Variants in HMGB1 observed in about 807,000 individuals in gnomAD.
HMGB1 encodes the protein high mobility group protein B1.
For missense variants in HMGB1, 79 were observed against 253.5 expected, an observed-to-expected ratio of 0.31 and a Z score of 4.67; for synonymous variants, 81 against 84.0, an observed-to-expected ratio of 0.96 and a Z score of 0.19.
At chr13:30,545,890 C>T (rs115274064) in intron 1 of HMGB1, among the ~76,000 whole-genome samples, 173 of 151,924 alleles carry the variant, frequency 1.1e-3, no homozygotes, top group African/African-American at 3.9e-3. Flanking sequence ...TTTATAGAAA[C>T]GGGTTTTCAA....
At position 30,484,102 on chromosome 13, in the gene HMGB1, T is replaced by G. The variant is rs7339009; in HGVS notation, c.-14-20408A>C. ...CCAACTCATGCTTGTCTTTCAGCTCTGAGAAGCTGCCCCTGACCATCCCAT... is the reference window on the plus strand; with the variant it reads ...CCAACTCATGCTTGTCTTTCAGCTCGGAGAAGCTGCCCCTGACCATCCCAT... On this transcript the variant is annotated intron_variant, in intron 1 of 4. Coordinates refer to the HMGB1 transcript ENST00000405805. Among the ~76,000 whole-genome samples the G allele has an allele frequency of 7.8e-3, 1,181 of 152,256 alleles. 12 individuals are homozygous for G. The highest frequency in any genetic ancestry group is 0.027 in the African/African-American group (1,138 of 41,548).
At chr13:30,578,679 T>A (rs1006783514) in intron 1 of HMGB1, among the ~76,000 whole-genome samples, 1 of 152,154 alleles carries the variant, frequency 6.6e-6, no homozygotes, top group Non-Finnish European at 1.5e-5. Context: ...TCTCACCATA[T>A]AAGAAGAAAG....
chr13:30,465,903 C>A lies in HMGB1; in HGVS notation c.-122G>T. ...AATGGCTGTGAGAGCGGGAGCCAGACGCAGCCTCCTCACTCTCTCCGCTCT... is the reference window on the plus strand; with the variant it reads ...AATGGCTGTGAGAGCGGGAGCCAGAAGCAGCCTCCTCACTCTCTCCGCTCT... On this transcript the variant is annotated 5_prime_UTR_variant, in exon 1 of 5. Coordinates refer to ENST00000341423, the MANE Select transcript of HMGB1 (RefSeq NM_002128.7). 1 of 985,952 alleles carries A rather than the reference C, an allele frequency of 1.0e-6. No homozygotes were observed. Among genetic ancestry groups the A allele is most frequent in the Non-Finnish European group, 1.2e-6 (1 of 829,996 alleles). The allele number at this position is 985,952 out of a possible 1,614,324, so 61.1% of individuals were successfully genotyped here. A position where few individuals can be genotyped will look rare whatever the true frequency, so the allele number is the denominator to read the frequency against.
chr13:30,565,745 C>T (rs1266625032), intron 1 of HMGB1, among the ~76,000 whole-genome samples: 1 of 152,130 alleles, frequency 6.6e-6, no homozygotes, highest in Non-Finnish European at 1.5e-5. Flanking sequence ...TCTCTGGCTG[C>T]CTAGGAGTGC....
chr13:30,520,525 C>T (rs1217201784), intron 1 of HMGB1, among the ~76,000 whole-genome samples: 1 of 152,032 alleles, frequency 6.6e-6, no homozygotes, highest in Admixed American at 6.6e-5. Flanking sequence ...GTGGCTGAGG[C>T]ACGAGAATCA....
At chr13:30,562,101 C>G (rs1415401773) in intron 1 of HMGB1, among the ~76,000 whole-genome samples, 1 of 152,142 alleles carries the variant, frequency 6.6e-6, no homozygotes, top group Non-Finnish European at 1.5e-5. Context: ...GCAGGCGGAT[C>G]ACCTGAGGTC....
At chr13:30,493,850 C>T (rs906750833) in intron 1 of HMGB1, among the ~76,000 whole-genome samples, 6 of 151,996 alleles carry the variant, frequency 3.9e-5, no homozygotes, top group Middle Eastern at 3.4e-3. Context: ...TGGTTGTGTG[C>T]ACCTGTAATC....
chr13:30,465,811 G>C lies in HMGB1; in HGVS notation c.-30C>G, dbSNP rs971437464. The C allele has an allele frequency of 1.0e-6, 1 of 985,728 alleles. No homozygotes were observed. The highest frequency in any genetic ancestry group is 1.7e-5 in the African/African-American group (1 of 57,244). The allele number at this position is 985,728 out of a possible 1,614,324, so 61.1% of individuals were successfully genotyped here. A position where few individuals can be genotyped will look rare whatever the true frequency, so the allele number is the denominator to read the frequency against. ...CCAGACTCACCCTCAGCGAGGCACA[G>C]AGTCGCCCAGTGCCCGTCCGGCTCT... On this transcript the variant is annotated 5_prime_UTR_variant, in exon 1 of 5. Coordinates refer to ENST00000341423, the MANE Select transcript of HMGB1 (RefSeq NM_002128.7).
At chr13:30,568,501 C>T (rs900441691) in intron 1 of HMGB1, among the ~76,000 whole-genome samples, 2 of 152,034 alleles carry the variant, frequency 1.3e-5, no homozygotes, top group African/African-American at 4.8e-5. Flanking sequence ...GAGTCAGACT[C>T]CCTGTCTCAG....
intron 1 of HMGB1, among the ~76,000 whole-genome samples, chr13:30,505,474 A>G (rs983880289): frequency 2.6e-5 from 4 of 151,584 alleles, no homozygotes; most frequent in South Asian, 2.1e-4. Flanking sequence ...CACCGCGCCC[A>G]ACCATTTTTA....
chr13:30,568,016 C>A (rs73456517), intron 1 of HMGB1, among the ~76,000 whole-genome samples: 5,610 of 152,254 alleles, frequency 0.037, 360 homozygotes, highest in African/African-American at 0.13. Flanking sequence ...GGTCCCATGA[C>A]AACATACGGG....
rs1253389387 is a variant in HMGB1 at position 30,553,891 on chromosome 13, T to C, written c.-15+62780A>G. On this transcript the variant is annotated intron_variant, in intron 1 of 4. Transcript: ENST00000405805. ...AATGATTATATTAATGCCAGCTTAGTTGACATAGAAGAGGCACGAAGGAGT... is the reference window on the plus strand; with the variant it reads ...AATGATTATATTAATGCCAGCTTAGCTGACATAGAAGAGGCACGAAGGAGT... 56 of 1,359,408 alleles carry C rather than the reference T, an allele frequency of 4.1e-5. No homozygotes were observed. The Admixed American group carries it at 5.7e-4, about 14-fold the overall frequency. 84.2% of individuals were successfully genotyped at this position (1,359,408 alleles called of 1,614,324 possible). A position where few individuals can be genotyped will look rare whatever the true frequency, so the allele number is the denominator to read the frequency against.
chr13:30,528,844 C>T (rs1001410902), intron 1 of HMGB1, among the ~76,000 whole-genome samples: 9 of 151,700 alleles, frequency 5.9e-5, no homozygotes, highest in African/African-American at 2.2e-4. Context: ...CTGGCTAACA[C>T]GGTGAAACCC....
chr13:30,585,818 C>T (rs978221008), intron 1 of HMGB1, among the ~76,000 whole-genome samples: 3 of 152,180 alleles, frequency 2.0e-5, no homozygotes, highest in African/African-American at 7.2e-5. Flanking sequence ...AGGCTCTATA[C>T]AATCTACAAT....
rs188113171 is a variant in HMGB1 at position 30,562,052 on chromosome 13, T to C, written c.-15+54619A>G. On this transcript the variant is annotated intron_variant, in intron 1 of 4. Transcript: ENST00000405805. ...TTGTGATATACTTGGCCGGGCGCAG[T>C]GGCTCACGCCTGTAATCTAAGCACT... Among the ~76,000 whole-genome samples, 1,054 of 152,324 alleles carry C rather than the reference T, an allele frequency of 6.9e-3. 12 individuals carry two copies. Among genetic ancestry groups the C allele is most frequent in the African/African-American group, 0.024 (994 of 41,564 alleles).
chr13:30,615,167 A>C (rs1950548823), intron 1 of HMGB1, among the ~76,000 whole-genome samples: 1 of 152,220 alleles, frequency 6.6e-6, no homozygotes. Flanking sequence ...TAGATGCATG[A>C]TATGACAGAC....
intron 1 of HMGB1, among the ~76,000 whole-genome samples, chr13:30,503,821 C>A (rs1443073433): frequency 6.6e-6 from 1 of 151,940 alleles, no homozygotes; most frequent in African/African-American, 2.4e-5. Flanking sequence ...GAGAGGGAGG[C>A]CATGGAGTGA....
At chr13:30,594,057 T>G (rs1871489188) in intron 1 of HMGB1, among the ~76,000 whole-genome samples, 1 of 152,234 alleles carries the variant, frequency 6.6e-6, no homozygotes, top group African/African-American at 2.4e-5. Context: ...AGATATGATG[T>G]ATGTAAGTTA....
intron 1 of HMGB1, among the ~76,000 whole-genome samples, chr13:30,552,945 G>A (rs1350585185): frequency 6.6e-6 from 1 of 152,138 alleles, no homozygotes; most frequent in Admixed American, 6.5e-5. Context: ...GGGCTACATT[G>A]GAGCTGTGAC....
Sources: gnomAD v4.1 joint callset for allele counts (sites outside exome capture counted in the v4.1 genomes callset) on GRCh38, gnomAD v4.1.1 for gene constraint, MANE v1.5 for transcripts, NCBI Gene and HGNC (gene_info 2026-07-23, HGNC 2026-07-21) for gene names.